Variants in ACVR1C observed in about 807,000 individuals in gnomAD.
The protein encoded by ACVR1C is activin A receptor type 1C, also known as activin receptor type-1C.
Under a neutral mutation model 57.9 loss-of-function variants are expected in ACVR1C, and 23 were observed. The ratio of observed to expected loss-of-function variants is 0.40; its 90% CI spans 0.29 to 0.56. The LOEUF is 0.56. Ranked by LOEUF, ACVR1C falls within the 20% of genes least tolerant of loss-of-function variation. ACVR1C has a pLI of 0.50. For missense variants in ACVR1C, 480 were observed against 607.9 expected (o/e 0.79, Z 2.21); for synonymous variants, 214 against 215.3 (o/e 0.99, Z 0.05).
In ACVR1C at chr2:157,527,874, T is replaced by C. The variant is rs1390930058; in HGVS notation, c.*6044A>G. 2.0e-5 allele frequency: 3 copies of C among 152,178 alleles called. No homozygotes were observed. The highest frequency in any genetic ancestry group is 6.6e-5 in the Admixed American group (1 of 15,260). 9.4% of individuals were successfully genotyped at this position (152,178 alleles called of 1,614,324 possible). A position where few individuals can be genotyped will look rare whatever the true frequency, so the allele number is the denominator to read the frequency against. On this transcript the variant is annotated 3_prime_UTR_variant, in exon 9 of 9. Transcript: ENST00000243349. ...CAGGCAAAGTCAGTAATTAGCTCCA[T>C]GCATAGAATGAAAACTGTATGGACG...
chr2:157,593,082 GCAAGACATCTGTTACCCA>G (rs969382380), intron 1 of ACVR1C, among the ~76,000 whole-genome samples: 27 of 151,934 alleles, frequency 1.8e-4, no homozygotes, highest in Non-Finnish European at 3.1e-4. Flanking sequence ...TCTCTAAAAG[GCAAGACATCTGTTACCCA>G]CAAGACATCT....
At chr2:157,605,164 C>T (rs1022609069) in intron 1 of ACVR1C, among the ~76,000 whole-genome samples, 2 of 151,250 alleles carry the variant, frequency 1.3e-5, no homozygotes, top group African/African-American at 2.4e-5. Flanking sequence ...CATTAAATTG[C>T]CTTTATAATT....
At chr2:157,562,301 A>ATAT (rs1438765993) in intron 2 of ACVR1C, among the ~76,000 whole-genome samples, 1 of 124,296 alleles carries the variant, frequency 8.0e-6, no homozygotes, top group African/African-American at 3.1e-5. Context: ...CTCAAAAAAA[A>ATAT]AAAAATATAT....
In ACVR1C at chr2:157,534,034, C is replaced by T. The variant is rs770708637; in HGVS notation, c.1366G>A (p.Val456Ile). ...NQWQSCEALR[V>I]MGRIMRECWY... ...CACTCACGCATTATTCTCCCCATGACTCGGAGTGCCTTTAAGAGAGAAAAA... is the reference window on the plus strand; with the variant it reads ...CACTCACGCATTATTCTCCCCATGATTCGGAGTGCCTTTAAGAGAGAAAAA... The change falls in exon 9 of 9, where the codon GTC becomes ATC. Residue 456 changes from valine to isoleucine, a missense_variant. Coordinates refer to ENST00000243349, the MANE Select transcript of ACVR1C (RefSeq NM_145259.3). 6.4e-7 allele frequency: 1 copy of T among 1,565,598 alleles called. No individual in the cohort carries two copies. Among genetic ancestry groups the T allele is most frequent in the South Asian group, 1.2e-5 (1 of 82,472 alleles).
chr2:157,602,769 A>G lies in ACVR1C; in HGVS notation c.74-15352T>C, dbSNP rs528331842. On this transcript the variant is annotated intron_variant, in intron 1 of 8. Transcript: ENST00000243349. ...GCTCAATTTTTATATATGCATTGAA[A>G]TAAATAGAATGAAACACATTCAAAT... Among the ~76,000 whole-genome samples, 3 of 152,316 alleles carry G rather than the reference A, an allele frequency of 2.0e-5. No individual in the cohort carries two copies. In the East Asian group the frequency reaches 5.8e-4, roughly 29 times the overall value.
At chr2:157,535,554 G>A (rs1422235182) in intron 8 of ACVR1C, among the ~76,000 whole-genome samples, 2 of 152,138 alleles carry the variant, frequency 1.3e-5, no homozygotes, top group African/African-American at 4.8e-5. Context: ...TTGGCCAGGT[G>A]CGGTGGCTCA....
Position 157,557,654 on chromosome 2 carries a change from T to A in ACVR1C, c.305-1322A>T, listed in dbSNP as rs544975520. 1.5e-3 allele frequency among the ~76,000 whole-genome samples: 234 copies of A among 152,272 alleles called. 1 individual carries two copies. The highest frequency in any genetic ancestry group is 2.8e-3 in the Non-Finnish European group (192 of 68,024). On this transcript the variant is annotated intron_variant, in intron 2 of 8. Coordinates refer to ENST00000243349, the MANE Select transcript of ACVR1C (RefSeq NM_145259.3). ...AGATGATCAGTAAATAGTTCTCAAA[T>A]GACAGAATCACTAAAAGTTCTACTA...
rs367778937 is a variant in ACVR1C, at chr2:157,591,702, C to G, written c.74-4285G>C. Among the ~76,000 whole-genome samples, 38 of 152,086 alleles carry G rather than the reference C, an allele frequency of 2.5e-4. No individual in the cohort carries two copies. In the East Asian group the frequency reaches 7.1e-3, roughly 29 times the overall value. On this transcript the variant is annotated intron_variant, in intron 1 of 8. Coordinates refer to ENST00000243349, the MANE Select transcript of ACVR1C (RefSeq NM_145259.3). The stretch of plus-strand genomic sequence containing the variant: ...AAGAAAAGCTTAGCAACTGACACAA[C>G]TAACTAAGGAATATGAATCCACAGA...
chr2:157,599,469 G>A (rs1002730368), intron 1 of ACVR1C, among the ~76,000 whole-genome samples: 2 of 151,862 alleles, frequency 1.3e-5, no homozygotes, highest in African/African-American at 4.8e-5. Flanking sequence ...GAGCTTTCCC[G>A]GCTCAACAAG....
intron 1 of ACVR1C, among the ~76,000 whole-genome samples, chr2:157,597,116 C>T (rs1354699124): frequency 6.6e-6 from 1 of 152,142 alleles, no homozygotes; most frequent in Non-Finnish European, 1.5e-5. Flanking sequence ...CTCAGTAGTC[C>T]TCCAAGACGG....
intron 1 of ACVR1C, among the ~76,000 whole-genome samples, chr2:157,605,576 C>T (rs778016761): frequency 5.9e-5 from 9 of 151,638 alleles, no homozygotes; most frequent in African/African-American, 1.2e-4. Flanking sequence ...CTGAGGATAT[C>T]GAAATCCATG....
At chr2:157,549,609 T>C (rs1029871358) in intron 4 of ACVR1C, among the ~76,000 whole-genome samples, 17 of 152,264 alleles carry the variant, frequency 1.1e-4, no homozygotes, top group Non-Finnish European at 1.6e-4. Context: ...TTTGCCCTGC[T>C]TCATTGTATG....
chr2:157,561,351 T>A (rs1279550584), intron 2 of ACVR1C, among the ~76,000 whole-genome samples: 1 of 152,234 alleles, frequency 6.6e-6, no homozygotes, highest in Non-Finnish European at 1.5e-5. Context: ...TGAAATGTTC[T>A]CAGGTAACAC....
In ACVR1C at chr2:157,544,441, A is replaced by G. The variant is rs55885432; in HGVS notation, c.943+4T>C. ...TGGAAAAAAAATGAAAAGGAAATACATACCTTGTGTACCAACAATCTCCAT... is the reference window on the plus strand; with the variant it reads ...TGGAAAAAAAATGAAAAGGAAATACGTACCTTGTGTACCAACAATCTCCAT... On this transcript the variant is annotated splice_donor_region_variant and intron_variant, in intron 5 of 8. Coordinates refer to ENST00000243349, the MANE Select transcript of ACVR1C (RefSeq NM_145259.3). The G allele has an allele frequency of 7.8e-4, 1,254 of 1,605,248 alleles. 10 individuals are homozygous for G. Among genetic ancestry groups the G allele is most frequent in the Middle Eastern group, 1.2e-3 (7 of 6,014 alleles).
At chr2:157,535,493 T>A (rs1687459905) in intron 8 of ACVR1C, among the ~76,000 whole-genome samples, 2 of 152,144 alleles carry the variant, frequency 1.3e-5, no homozygotes, top group South Asian at 4.1e-4. Flanking sequence ...GAGAATGTTT[T>A]AGAAAGTGAA....
chr2:157,538,548 A>T (rs200822882), intron 8 of ACVR1C, 25 bp downstream of exon 8: 3 of 1,531,144 alleles, frequency 2.0e-6, no homozygotes, highest in Non-Finnish European at 2.6e-6. Flanking sequence ...TAATAAGAAA[A>T]ATATAGATAA....
rs575598814 is a variant in ACVR1C, at chr2:157,534,183, A to G, written c.1357-140T>C. The stretch of plus-strand genomic sequence containing the variant: ...GAGATGGGGTCTTGCTATGTTCCCC[A>G]GGCTGGAGTACAATGGCTATTCACA... On this transcript the variant is annotated intron_variant, in intron 8 of 8. Transcript: ENST00000243349. 1,415 of 685,970 alleles carry G rather than the reference A, an allele frequency of 2.1e-3. 4 individuals carry two copies. The highest frequency in any genetic ancestry group is 2.8e-3 in the Non-Finnish European group (1,347 of 477,170). The allele number at this position is 685,970 out of a possible 1,614,324, so 42.5% of individuals were successfully genotyped here.
In ACVR1C at chr2:157,562,065, G is replaced by A. The variant is rs149217350; in HGVS notation, c.305-5733C>T. Among the ~76,000 whole-genome samples, 1,074 of 152,208 alleles carry A rather than the reference G, an allele frequency of 7.1e-3. 7 individuals carry two copies. The highest frequency in any genetic ancestry group is 0.012 in the Non-Finnish European group (793 of 68,006). On this transcript the variant is annotated intron_variant, in intron 2 of 8. Coordinates refer to ENST00000243349, the MANE Select transcript of ACVR1C (RefSeq NM_145259.3). ...TAATCCTGGCACTTTGGGAGGCCGA[G>A]GTGGGCGGATCATGAGGTAAAGAGA... is the stretch of plus-strand genomic sequence containing the variant.
At chr2:157,554,991 T>G (rs1377963497) in intron 3 of ACVR1C, among the ~76,000 whole-genome samples, 4 of 150,926 alleles carry the variant, frequency 2.7e-5, no homozygotes, top group Non-Finnish European at 5.9e-5. Flanking sequence ...GCCAACCTCC[T>G]GCCAAAAGAT....
Sources: gnomAD v4.1 joint callset for allele counts (sites outside exome capture counted in the v4.1 genomes callset) on GRCh38, gnomAD v4.1.1 for gene constraint, MANE v1.5 for transcripts, NCBI Gene and HGNC (gene_info 2026-07-23, HGNC 2026-07-21) for gene names.